ARAP3: variants seen among roughly 807,000 people sequenced by gnomAD.
ARAP3 encodes the protein arf-GAP with Rho-GAP domain, ANK repeat and PH domain-containing protein 3.
In ARAP3, 82 loss-of-function variants were observed where a neutral mutation model predicts 169.2. The observed-to-expected ratio is 0.48, with a 90% CI of 0.41 to 0.58. The LOEUF (loss-of-function observed/expected upper bound fraction) is 0.58. ARAP3 is among the 20% of genes least tolerant of loss of function. The pLI is 0.00. For missense variants in ARAP3, 1,764 were observed against 2,018.0 expected (o/e 0.87, Z 2.41); for synonymous variants, 791 against 800.3 (o/e 0.99, Z 0.20).
At chr5:141,664,839 C>T in intron 19 of ARAP3, 83 bp downstream of exon 19, 1 of 1,387,588 alleles carries the variant, frequency 7.2e-7, no homozygotes, top group Non-Finnish European at 9.7e-7. Flanking sequence ...CACGTTCCAC[C>T]CTGGCTGTGC....
rs756578535 is a variant in ARAP3, at chr5:141,670,057, G to A, written c.2114C>T (p.Pro705Leu). Reference sequence around the variant, plus strand: ...TGCTCCCAGCACACACCAAAGGCGCGGGGGAGCTAAGGCAGAGGGAGATAG... The same window carrying A: ...TGCTCCCAGCACACACCAAAGGCGCAGGGGAGCTAAGGCAGAGGGAGATAG... The part of the protein sequence containing the change: ...SPPRRGRDAP[P>L]RLWCVLGAAL... The change falls in exon 15 of 33, where the codon CCG becomes CTG. Residue 705 changes from proline (P) to leucine (L), a missense_variant. Around this residue, in one of 3 missense-constraint regions of ARAP3, gnomAD observed 1,112 missense variants for 1,285.7 expected, o/e 0.86. Transcript: ENST00000239440. 117 of 1,591,468 alleles carry A rather than the reference G, an allele frequency of 7.4e-5. No individual in the cohort carries two copies. In the Admixed American group the frequency reaches 1.4e-3, roughly 19 times the overall value.
rs986518079 is a variant in ARAP3 at position 141,655,633 on chromosome 5, G to C, written c.4098C>G (p.Ala1366=). The C allele has an allele frequency of 1.9e-6, 3 of 1,614,056 alleles. No individual in the cohort carries two copies. Among genetic ancestry groups the C allele is most frequent in the Non-Finnish European group, 1.7e-6 (2 of 1,179,952 alleles). ...GDDSGATLLS[A]NQTLRRLHNR... ...TGGGGTGCCTTACCAGGGTCTGATT[G>C]GCAGAGAGGAGGGTGGCTCCACTGT... The change falls in exon 31 of 33, where the codon GCC becomes GCG. Residue 1366 remains alanine, a synonymous_variant. Coordinates refer to ENST00000239440, the MANE Select transcript of ARAP3 (RefSeq NM_022481.6).
Position 141,661,677 on chromosome 5 carries a change from T to A in ARAP3, c.3119+7A>T, listed in dbSNP as rs1161038113. Reference sequence around the variant, plus strand: ...AAGGGTTCTGCAGAGGGTCTAGCCATACTGACCGATAGAGATGCCCAATGA... The same window carrying A: ...AAGGGTTCTGCAGAGGGTCTAGCCAAACTGACCGATAGAGATGCCCAATGA... On this transcript the variant is annotated splice_region_variant and intron_variant, in intron 21 of 32. Coordinates refer to ENST00000239440, the MANE Select transcript of ARAP3 (RefSeq NM_022481.6). 1 of 1,613,856 alleles carries A rather than the reference T, an allele frequency of 6.2e-7. No individual in the cohort carries two copies. The highest frequency in any genetic ancestry group is 8.5e-7 in the Non-Finnish European group (1 of 1,179,714).
chr5:141,681,004 G>C (rs1056336582), intron 1 of ARAP3, among the ~76,000 whole-genome samples: 2 of 152,150 alleles, frequency 1.3e-5, no homozygotes, highest in African/African-American at 4.8e-5. Flanking sequence ...CTTGTTTCCA[G>C]AGCCGATGTA....
Position 141,665,060 on chromosome 5 carries a change from G to C in ARAP3, c.2662C>G (p.Arg888Gly). ...GCGTTCCATGCCGTGAAGTCCAGCC[G>C]GCCCTCTCCTTGCAGATACAGGGTC... is the stretch of plus-strand genomic sequence containing the variant. ...GRTLYLQGEG[R>G]LDFTAWNAAI... Residue 888 changes from arginine (R) to glycine (G), a missense_variant, in exon 19 of 33, where the codon CGG becomes GGG. Coordinates refer to ENST00000239440, the MANE Select transcript of ARAP3 (RefSeq NM_022481.6). 1 of 1,613,364 alleles carries C rather than the reference G, an allele frequency of 6.2e-7. No homozygotes were observed. Among genetic ancestry groups the C allele is most frequent in the Non-Finnish European group, 8.5e-7 (1 of 1,179,652 alleles).
rs753144470 is a variant in ARAP3, at chr5:141,656,492, C to T, written c.3789+12G>A. On this transcript the variant is annotated intron_variant, in intron 27 of 32. Coordinates refer to ENST00000239440, the MANE Select transcript of ARAP3 (RefSeq NM_022481.6). ...CACCCAGCATCCCACACCTCTGGCC[C>T]CAGGGCCTCACTTTCTTCTCCTTGA... is the stretch of plus-strand genomic sequence containing the variant. 3.1e-6 allele frequency: 5 copies of T among 1,609,416 alleles called. No homozygotes were observed. In the African/African-American group the frequency reaches 5.3e-5, roughly 17 times the overall value.
chr5:141,678,487 C>T (rs73287727), intron 4 of ARAP3, among the ~76,000 whole-genome samples: 1,769 of 152,208 alleles, frequency 0.012, 31 homozygotes, highest in African/African-American at 0.04. Flanking sequence ...ATCTTCTTAA[C>T]GCTCCGCTAA....
In ARAP3 at chr5:141,671,286, A is replaced by T; in HGVS notation, c.1969T>A (p.Cys657Ser). ...PWFPPAPDGS[C>S]PGLLPSDPSP... The stretch of plus-strand genomic sequence containing the variant: ...TGACCTGAGGGCAAGAGGCCAGGGC[A>T]GCTGCCATCAGGGGCTGGGGGGAAC... The change falls in exon 13 of 33, where the codon TGC becomes AGC. Residue 657 changes from cysteine (C) to serine (S), a missense_variant. This residue lies in a region of ARAP3 where 1,112 missense variants were observed against 1,285.7 expected (regional missense o/e 0.86). Coordinates refer to ENST00000239440, the MANE Select transcript of ARAP3 (RefSeq NM_022481.6). This position sits in a 1 kb window ranked among gnomAD's most constrained non-coding sequence, Gnocchi z 4.9. The T allele has an allele frequency of 1.9e-6, 3 of 1,611,818 alleles. No individual in the cohort carries two copies. The highest frequency in any genetic ancestry group is 2.5e-6 in the Non-Finnish European group (3 of 1,178,834).
Position 141,672,683 on chromosome 5 carries a change from C to A in ARAP3, c.1279-25G>T. ...CCTGGTGGGGTCAGGGGGTGGGCATCATGAGGTGCCAGAAGGGACTAGTTC... is the reference window on the plus strand; with the variant it reads ...CCTGGTGGGGTCAGGGGGTGGGCATAATGAGGTGCCAGAAGGGACTAGTTC... On this transcript the variant is annotated intron_variant, in intron 8 of 32. Transcript: ENST00000239440. The surrounding 1 kb of genome is among the most constrained non-coding windows in gnomAD (Gnocchi z 4.9). 6.2e-7 allele frequency: 1 copy of A among 1,613,842 alleles called. No individual in the cohort carries two copies. The highest frequency in any genetic ancestry group is 8.5e-7 in the Non-Finnish European group (1 of 1,179,848).
chr5:141,656,685 C>T, intron 26 of ARAP3, 33 bp downstream of exon 26: 1 of 1,612,860 alleles, frequency 6.2e-7, no homozygotes, highest in Non-Finnish European at 8.5e-7. Flanking sequence ...GGGGAGAGAC[C>T]TGGGGGATGC....
Position 141,671,320 on chromosome 5 carries a change from C to T in ARAP3, c.1935G>A (p.Glu645=), listed in dbSNP as rs936111703. The part of the protein sequence containing the change: ...QLLCVEAFEG[E]EPWFPPAPDG... ...CAGGGGCTGGGGGGAACCAGGGCTC[C>T]TCGCCTTCAAAGGCCTCAACACAGA... The change falls in exon 13 of 33, where the codon GAG becomes GAA. Residue 645 remains glutamate (E), a synonymous_variant. Transcript: ENST00000239440. This position sits in a 1 kb window ranked among gnomAD's most constrained non-coding sequence, Gnocchi z 4.9. The T allele has an allele frequency of 6.2e-7, 1 of 1,613,690 alleles. No homozygotes were observed.
At position 141,659,865 on chromosome 5, in the gene ARAP3, G is replaced by A; in HGVS notation, c.3181C>T (p.Pro1061Ser). 1 of 1,600,488 alleles carries A rather than the reference G, an allele frequency of 6.2e-7. No individual in the cohort carries two copies. The change falls in exon 22 of 33, where the codon CCC becomes TCC. Residue 1061 changes from proline to serine, a missense_variant. Coordinates refer to ENST00000239440, the MANE Select transcript of ARAP3 (RefSeq NM_022481.6). ...CGCCCATCCGTCTGGAACACGCTGG[G>A]TGCAAACAGCAGAGCCAAGTTCCGC... is the stretch of plus-strand genomic sequence containing the variant. ...CTRNLALLFA[P>S]SVFQTDGRGE...
intron 21 of ARAP3, among the ~76,000 whole-genome samples, chr5:141,660,913 C>G (rs1365879095): frequency 1.3e-5 from 2 of 152,104 alleles, no homozygotes; most frequent in African/African-American, 4.8e-5. Context: ...TATATCTAAC[C>G]CTTTCCCTGA....
rs200081977 is a variant in ARAP3, at chr5:141,672,739, A to G, written c.1278+2T>C. 1.2e-6 allele frequency: 2 copies of G among 1,613,016 alleles called. No homozygotes were observed. Among genetic ancestry groups the G allele is most frequent in the Non-Finnish European group, 1.7e-6 (2 of 1,179,666 alleles). ...CCTCAGCCCTGGCCCGGCTCTCCTC[A>G]CCTGCTCACTCTTGTACAGTGCCAG... On this transcript the variant is annotated splice_donor_variant, in intron 8 of 32. Transcript: ENST00000239440. LOFTEE classifies it high-confidence loss of function. This position sits in a 1 kb window ranked among gnomAD's most constrained non-coding sequence, Gnocchi z 4.9.
Position 141,672,722 on chromosome 5 carries a change from C to T in ARAP3, c.1278+19G>A. On this transcript the variant is annotated intron_variant, in intron 8 of 32. Coordinates refer to ENST00000239440, the MANE Select transcript of ARAP3 (RefSeq NM_022481.6). This position sits in a 1 kb window ranked among gnomAD's most constrained non-coding sequence, Gnocchi z 4.9. ...AGGGACTAGTTCAGGCCCCTCAGCCCTGGCCCGGCTCTCCTCACCTGCTCA... is the reference window on the plus strand; with the variant it reads ...AGGGACTAGTTCAGGCCCCTCAGCCTTGGCCCGGCTCTCCTCACCTGCTCA... 6.2e-7 allele frequency: 1 copy of T among 1,614,182 alleles called. No homozygotes were observed. The highest frequency in any genetic ancestry group is 8.5e-7 in the Non-Finnish European group (1 of 1,180,020).
chr5:141,670,141 T>C, intron 14 of ARAP3, 78 bp from the exon 15 acceptor site: 1 of 1,538,594 alleles, frequency 6.5e-7, no homozygotes, highest in South Asian at 1.2e-5. Context: ...AGATATTTAT[T>C]CTGTGCCAAG....
chr5:141,668,323 G>A (rs981929744), intron 16 of ARAP3, among the ~76,000 whole-genome samples: 6 of 152,006 alleles, frequency 3.9e-5, no homozygotes, highest in Non-Finnish European at 8.8e-5. Flanking sequence ...AAACTCCTGG[G>A]CTCAAGCAAT....
chr5:141,669,494 C>T (rs952907626), intron 16 of ARAP3, among the ~76,000 whole-genome samples: 4 of 152,156 alleles, frequency 2.6e-5, no homozygotes, highest in Admixed American at 6.5e-5. Context: ...AACTTAGTTT[C>T]CTTATACTTA....
chr5:141,672,833 G>A lies in ARAP3; in HGVS notation c.1186C>T (p.Leu396Phe), dbSNP rs1378016723. ...CGCAGCTCCAGCATGCCCGTGCGGAGGGGTCGGGGTGGTTGGGGGGGCCGG... is the reference window on the plus strand; with the variant it reads ...CGCAGCTCCAGCATGCCCGTGCGGAAGGGTCGGGGTGGTTGGGGGGGCCGG... Reference protein sequence around the residue: ...HPRPPQPPRPLRTGMLELRGH... With the variant: ...HPRPPQPPRPFRTGMLELRGH... Residue 396 changes from leucine (L) to phenylalanine (F), a missense_variant, in exon 8 of 33, where the codon CTC becomes TTC. Leu to Phe is a conservative substitution (Grantham distance 22). Transcript: ENST00000239440. The surrounding 1 kb of genome is among the most constrained non-coding windows in gnomAD (Gnocchi z 4.9). 7 of 1,613,442 alleles carry A rather than the reference G, an allele frequency of 4.3e-6. No individual in the cohort carries two copies. The highest frequency in any genetic ancestry group is 1.3e-5 in the African/African-American group (1 of 75,044).
Sources: gnomAD v4.1 joint callset for allele counts (sites outside exome capture counted in the v4.1 genomes callset) on GRCh38, gnomAD v4.1.1 for gene constraint, gnomAD v4.1.1 regional missense constraint, Gnocchi (gnomAD v3.1) non-coding constraint, MANE v1.5 for transcripts, NCBI Gene and HGNC (gene_info 2026-07-23, HGNC 2026-07-21) for gene names.